The following ABCC4 variants were observed in gnomAD, a reference collection of about 807,000 sequenced individuals.
ABCC4 encodes ATP-binding cassette sub-family C member 4.
In ABCC4, 102 loss-of-function variants were observed where a neutral mutation model predicts 168.5. The observed-to-expected ratio is 0.61, with a 90% confidence interval of 0.52 to 0.71. The LOEUF (loss-of-function observed/expected upper bound fraction) is 0.71. Ranked by LOEUF, ABCC4 falls within the 30% of genes least tolerant of loss-of-function variation. The probability of loss-of-function intolerance (pLI) is 0.00; values close to 1 mark genes in which losing one functional copy is unlikely to be tolerated. For synonymous variants in ABCC4, 617 were observed against 590.7 expected, an observed-to-expected ratio of 1.04 and a Z score of -0.65; for missense variants, 1,402 against 1,605.8, an observed-to-expected ratio of 0.87 and a Z score of 2.17.
chr13:95,215,662 G>C (rs1251609703), intron 4 of ABCC4, among the ~76,000 whole-genome samples: 1 of 152,020 alleles, frequency 6.6e-6, no homozygotes, highest in Non-Finnish European at 1.5e-5. Context: ...GGTGACAGCA[G>C]AATTAAATTA....
chr13:95,276,308 C>CA (rs2040968677), intron 1 of ABCC4, among the ~76,000 whole-genome samples: 1 of 150,576 alleles, frequency 6.6e-6, no homozygotes, highest in African/African-American at 2.5e-5. Context: ...CCAGCTATTC[C>CA]AGAGGCTGAA....
Position 95,074,380 on chromosome 13 carries a change from G to A in ABCC4, c.2807-56C>T, listed in dbSNP as rs1235707497. 1.2e-5 allele frequency: 17 copies of A among 1,392,564 alleles called. 1 individual carries two copies. In the South Asian group the frequency reaches 1.4e-4, roughly 11 times the overall value. 86.3% of individuals were successfully genotyped at this position (1,392,564 alleles called of 1,614,324 possible). On this transcript the variant is annotated intron_variant, in intron 22 of 30. Coordinates refer to ENST00000645237, the MANE Select transcript of ABCC4 (RefSeq NM_005845.5). ...AATAAGTAGATGAATGTGCGAGTGT[G>A]TTTTGCTCAGTTGAGCTACAGAAGA...
At chr13:95,182,244 T>G (rs889869885) in intron 11 of ABCC4, among the ~76,000 whole-genome samples, 3 of 152,146 alleles carry the variant, frequency 2.0e-5, no homozygotes, top group African/African-American at 7.2e-5. Context: ...ATGTGGCAAA[T>G]ATGAGAAGAA....
chr13:95,161,627 G>A (rs2037103122), intron 18 of ABCC4: 1 of 188,926 alleles, frequency 5.3e-6, no homozygotes, highest in African/African-American at 2.3e-5. Flanking sequence ...TCAGAAGTAG[G>A]ATAGATAATC....
At chr13:95,152,260 A>G (rs2036712261) in intron 19 of ABCC4, among the ~76,000 whole-genome samples, 1 of 152,208 alleles carries the variant, frequency 6.6e-6, no homozygotes, top group Admixed American at 6.5e-5. Context: ...TGGAAGCAAG[A>G]GTTAAATTTA....
chr13:95,030,031 A>ATAT (rs774833260), intron 30 of ABCC4, among the ~76,000 whole-genome samples: 39 of 72,970 alleles, frequency 5.3e-4, no homozygotes, highest in Middle Eastern at 6.3e-3. Flanking sequence ...ATCCATCCAT[A>ATAT]TTTTTTTGAG....
chr13:95,292,665 T>C (rs759101410), intron 1 of ABCC4, among the ~76,000 whole-genome samples: 1 of 152,196 alleles, frequency 6.6e-6, no homozygotes, highest in Non-Finnish European at 1.5e-5. Context: ...ATAATGCATT[T>C]CCCCACTGCC....
intron 19 of ABCC4, among the ~76,000 whole-genome samples, chr13:95,121,586 T>TTTG (rs1311162345): frequency 2.6e-5 from 4 of 151,952 alleles, no homozygotes; most frequent in Non-Finnish European, 5.9e-5. Context: ...TTTAAATTTT[T>TTTG]TTGTAGAGAT....
chr13:95,106,181 T>G (rs1293799474), intron 20 of ABCC4, among the ~76,000 whole-genome samples: 1 of 152,010 alleles, frequency 6.6e-6, no homozygotes, highest in Non-Finnish European at 1.5e-5. Flanking sequence ...GGCTAAAATG[T>G]AGACTCCGAC....
At chr13:95,141,918 C>A (rs1280084787) in intron 19 of ABCC4, among the ~76,000 whole-genome samples, 1 of 152,070 alleles carries the variant, frequency 6.6e-6, no homozygotes, top group Non-Finnish European at 1.5e-5. Context: ...TTTCAGAGGA[C>A]CATCAATACA....
intron 22 of ABCC4, 192 bp downstream of exon 22, chr13:95,075,240 G>T: frequency 1.5e-6 from 1 of 657,252 alleles, no homozygotes; most frequent in Non-Finnish European, 2.6e-6. Flanking sequence ...AAGAGGGAAC[G>T]TGCAGCAGCG....
chr13:95,177,838 C>T, intron 12 of ABCC4, 45 bp from the exon 13 acceptor site: 3 of 1,545,698 alleles, frequency 1.9e-6, no homozygotes, highest in African/African-American at 1.4e-5. Context: ...AGGAACATGA[C>T]AACTTTCAAC....
intron 15 of ABCC4, among the ~76,000 whole-genome samples, chr13:95,165,088 G>A (rs2037228614): frequency 6.6e-6 from 1 of 152,138 alleles, no homozygotes; most frequent in Non-Finnish European, 1.5e-5. Context: ...GTGGCTTGCT[G>A]GAAGGATGCC....
chr13:95,282,942 G>T (rs1038881756), intron 1 of ABCC4, among the ~76,000 whole-genome samples: 6 of 152,042 alleles, frequency 3.9e-5, no homozygotes, highest in African/African-American at 1.4e-4. Context: ...AAACTGGCCA[G>T]GCACAGTGGC....
chr13:95,123,386 G>A (rs939454214), intron 19 of ABCC4, among the ~76,000 whole-genome samples: 16 of 152,026 alleles, frequency 1.1e-4, no homozygotes, highest in African/African-American at 3.6e-4. Context: ...TGCGGGGGAC[G>A]AAGTCTCACT....
At chr13:95,178,188 A>G in intron 11 of ABCC4, 97 bp from the exon 12 acceptor site, 5 of 1,061,648 alleles carry the variant, frequency 4.7e-6, no homozygotes, top group South Asian at 1.4e-5. Context: ...AACTTTGCAC[A>G]TTAGTTCTTC....
chr13:95,155,147 T>A (rs1248968394), intron 19 of ABCC4, among the ~76,000 whole-genome samples: 1 of 151,762 alleles, frequency 6.6e-6, no homozygotes, highest in Non-Finnish European at 1.5e-5. Flanking sequence ...ACCACCCTCC[T>A]CCCCTCAATT....
At chr13:95,281,760 C>A (rs947109845) in intron 1 of ABCC4, among the ~76,000 whole-genome samples, 1 of 151,976 alleles carries the variant, frequency 6.6e-6, no homozygotes, top group African/African-American at 2.4e-5. Context: ...CAGGCAATAT[C>A]TTTGTGAGGC....
intron 29 of ABCC4, among the ~76,000 whole-genome samples, chr13:95,036,128 A>C (rs2032109699): frequency 6.6e-6 from 1 of 152,220 alleles, no homozygotes; most frequent in African/African-American, 2.4e-5. Flanking sequence ...GCATAGCATT[A>C]CAGAACATAA....
Sources: allele counts gnomAD v4.1 joint callset (sites outside exome capture counted in the v4.1 genomes callset), GRCh38; gene constraint gnomAD v4.1.1; transcripts MANE v1.5; gene names NCBI Gene and HGNC (gene_info 2026-07-23, HGNC 2026-07-21).